The following C3orf52 variants were observed in gnomAD, a reference collection of about 807,000 sequenced individuals.
The protein encoded by C3orf52 is chromosome 3 open reading frame 52.
Under a neutral mutation model 24.8 loss-of-function variants are expected in C3orf52, and 22 were observed. The observed-to-expected ratio is 0.89, with a 90% CI of 0.63 to 1.27. The LOEUF (loss-of-function observed/expected upper bound fraction) is 1.27, where lower values mean the gene tolerates loss of function less well. Among genes scored for constraint, C3orf52 ranks in the 50% most tolerant of loss-of-function variants. The pLI is 0.00. For synonymous variants in C3orf52, 93 were observed against 100.2 expected (o/e 0.93, Z 0.43); for missense variants, 265 against 260.7 (o/e 1.02, Z -0.11).
Position 112,087,095 on chromosome 3 carries a change from T to G in C3orf52, c.138+550T>G, listed in dbSNP as rs184585268. 2.0e-4 allele frequency among the ~76,000 whole-genome samples: 30 copies of G among 149,102 alleles called. No individual in the cohort carries two copies. In the East Asian group the frequency reaches 5.0e-3, roughly 25 times the overall value. ...CCATTGGATTCTGCCGGAAGAGAGA[T>G]AGGGGAGAGCACAGAGGAGAGAAAG... On this transcript the variant is annotated intron_variant, in intron 1 of 5. Coordinates refer to ENST00000264848, the MANE Select transcript of C3orf52 (RefSeq NM_024616.3).
At chr3:112,127,514 G>A (rs919609658) in intron 4 of C3orf52, among the ~76,000 whole-genome samples, 3 of 152,180 alleles carry the variant, frequency 2.0e-5, no homozygotes, top group Non-Finnish European at 4.4e-5. Context: ...GCCCACTATC[G>A]TTTCAGTAGA....
downstream of C3orf52, chr3:112,130,386 G>T: frequency 7.3e-7 from 1 of 1,375,808 alleles, no homozygotes; most frequent in Non-Finnish European, 1.0e-6. Context: ...TCCAGGGCTT[G>T]ACATACTTCG....
rs148242711 is a variant in C3orf52, at chr3:112,088,661, T to TTCTATCTATCTA, written c.138+2130_138+2141dup. ...AACCTTTGCTGTTTCTGTTGATTTATTCTATCTATCTATCTATCTATCTAT... is the reference window on the plus strand; with the variant it reads ...AACCTTTGCTGTTTCTGTTGATTTATTCTATCTATCTATCTATCTATCTATCTATCTATCTAT... On this transcript the variant is annotated intron_variant, in intron 1 of 5. Coordinates refer to ENST00000264848, the MANE Select transcript of C3orf52 (RefSeq NM_024616.3). Among the ~76,000 whole-genome samples, 96 of 151,966 alleles carry TTCTATCTATCTA rather than the reference T, an allele frequency of 6.3e-4. 1 individual carries two copies. Among genetic ancestry groups the TTCTATCTATCTA allele is most frequent in the East Asian group, 5.6e-3 (29 of 5,178 alleles).
chr3:112,112,286 C>T (rs1206954119), intron 4 of C3orf52: 1 of 152,208 alleles, frequency 6.6e-6, no homozygotes, highest in Admixed American at 6.5e-5. Context: ...TGAAAATTCC[C>T]TTTCCTTAGG....
intron 1 of C3orf52, among the ~76,000 whole-genome samples, chr3:112,087,469 C>T (rs922965847): frequency 6.6e-6 from 1 of 152,116 alleles, no homozygotes; most frequent in Non-Finnish European, 1.5e-5. Flanking sequence ...CACAGAACTC[C>T]CCATATAGAG....
intron 4 of C3orf52, among the ~76,000 whole-genome samples, chr3:112,110,532 A>G (rs1174914472): frequency 2.0e-5 from 3 of 152,156 alleles, no homozygotes; most frequent in Non-Finnish European, 2.9e-5. Flanking sequence ...CTACACACAC[A>G]TAGGATATAC....
downstream of C3orf52, chr3:112,122,702 C>CT (rs2074223203): frequency 1.3e-5 from 2 of 152,144 alleles, no homozygotes; most frequent in African/African-American, 4.8e-5. Context: ...TTGCCACTAA[C>CT]TTTAATGTAT....
chr3:112,099,020 G>A (rs1258512527), intron 2 of C3orf52, among the ~76,000 whole-genome samples: 1 of 152,124 alleles, frequency 6.6e-6, no homozygotes, highest in Non-Finnish European at 1.5e-5. Flanking sequence ...TCTCATGATA[G>A]TGTGTGAATT....
the C3orf52 span, among the ~76,000 whole-genome samples, chr3:112,136,133 G>A: frequency 2.2e-4 from 34 of 152,206 alleles, no homozygotes; most frequent in Middle Eastern, 3.4e-3. Context: ...GTTTTTAAGG[G>A]CAATTAGCAA....
At chr3:112,095,790 G>T (rs1318332097) in intron 2 of C3orf52, among the ~76,000 whole-genome samples, 3 of 125,706 alleles carry the variant, frequency 2.4e-5, no homozygotes, top group Non-Finnish European at 4.7e-5. Context: ...ACGTGGGGGT[G>T]GGGGGAGATA....
At chr3:112,125,048 G>A (rs1386287292) in intron 4 of C3orf52, among the ~76,000 whole-genome samples, 1 of 152,150 alleles carries the variant, frequency 6.6e-6, no homozygotes, top group Non-Finnish European at 1.5e-5. Flanking sequence ...CAGCAGAAGT[G>A]GCTGCTGCTT....
At chr3:112,091,897 G>A (rs911100652) in intron 1 of C3orf52, among the ~76,000 whole-genome samples, 5 of 152,062 alleles carry the variant, frequency 3.3e-5, no homozygotes, top group African/African-American at 7.2e-5. Context: ...CCAGCTACTC[G>A]GGAGGCTGAG....
At chr3:112,116,583 A>G (rs1422836029) in intron 5 of C3orf52, 59 bp from the exon 6 acceptor site, 1 of 1,353,842 alleles carries the variant, frequency 7.4e-7, no homozygotes, top group African/African-American at 1.5e-5. Flanking sequence ...TGAAAACGTA[A>G]GCATTTAATA....
intron 1 of C3orf52, among the ~76,000 whole-genome samples, chr3:112,090,224 CA>C (rs2073864841): frequency 6.6e-6 from 1 of 150,978 alleles, no homozygotes; most frequent in South Asian, 2.1e-4. Flanking sequence ...TTCTAATGGG[CA>C]GACAGCTGAG....
intron 5 of C3orf52, among the ~76,000 whole-genome samples, 170 bp from the exon 6 acceptor site, chr3:112,116,472 G>GGT (rs1194133618): frequency 6.6e-6 from 1 of 151,358 alleles, no homozygotes; most frequent in Non-Finnish European, 1.5e-5. Flanking sequence ...TATTCAGAGC[G>GGT]GTGTGTGTGT....
chr3:112,100,405 G>C (rs1268592949), intron 2 of C3orf52, among the ~76,000 whole-genome samples: 2 of 152,140 alleles, frequency 1.3e-5, no homozygotes, highest in Non-Finnish European at 2.9e-5. Flanking sequence ...TATCTCATTA[G>C]TGACATAAAA....
chr3:112,108,160 A>T (rs2074044920), intron 3 of C3orf52, among the ~76,000 whole-genome samples: 1 of 152,218 alleles, frequency 6.6e-6, no homozygotes, highest in African/African-American at 2.4e-5. Flanking sequence ...TCAGATAGAT[A>T]AGAAAAAGAC....
intron 4 of C3orf52, among the ~76,000 whole-genome samples, chr3:112,126,216 G>C (rs1388967690): frequency 6.6e-6 from 1 of 152,154 alleles, no homozygotes; most frequent in Non-Finnish European, 1.5e-5. Context: ...GCTAGGGTGG[G>C]AGGCTGTATT....
rs2074144992 is a variant in C3orf52, at chr3:112,117,335, A to G, written c.*689A>G. The G allele has an allele frequency of 4.3e-6, 1 of 233,256 alleles. No individual in the cohort carries two copies. The highest frequency in any genetic ancestry group is 8.7e-5 in the East Asian group (1 of 11,556). 14.4% of individuals were successfully genotyped at this position (233,256 alleles called of 1,614,324 possible). On this transcript the variant is annotated 3_prime_UTR_variant, in exon 6 of 6. Transcript: ENST00000264848. ...TTAGCCAGCCAGCCTTAGGAACACC[A>G]CCAAGGTTACTTTGAAATCTATGTA...
Sources: gnomAD v4.1 joint callset for allele counts (sites outside exome capture counted in the v4.1 genomes callset) on GRCh38, gnomAD v4.1.1 for gene constraint, MANE v1.5 for transcripts, NCBI Gene and HGNC (gene_info 2026-07-23, HGNC 2026-07-21) for gene names.